Variants in QTGAL observed in about 807,000 individuals in gnomAD.
QTGAL encodes the protein BGnT-like protein 1.
At chr17:83,006,607 CGCTGTGCTATCCCGACGCCGTG>C in the QTGAL span, 937 of 985,316 alleles carry the variant, frequency 9.5e-4, 3 homozygotes, top group East Asian at 0.018. This position sits in a 1 kb window ranked among gnomAD's most constrained non-coding sequence, Gnocchi z 5.8. Context: ...CAACGGCAGC[CGCTGTGCTATCCCGACGCCGTG>C]GCTGTGCTAT....
At chr17:82,977,757 G>C in the QTGAL span, among the ~76,000 whole-genome samples, 4 of 152,272 alleles carry the variant, frequency 2.6e-5, no homozygotes, top group East Asian at 7.7e-4. Context: ...GAGAGGAGAA[G>C]CCGGCTGATT....
the QTGAL span, among the ~76,000 whole-genome samples, chr17:83,000,404 A>G: frequency 6.6e-6 from 1 of 152,246 alleles, no homozygotes. Flanking sequence ...GTAAAACATC[A>G]GTCGTGCAGC....
the QTGAL span, among the ~76,000 whole-genome samples, chr17:82,971,605 T>C: frequency 0.29 from 34,018 of 119,034 alleles, 3,778 homozygotes; most frequent in South Asian, 0.36. Flanking sequence ...GACCCGGTAC[T>C]GACCACACCA....
the QTGAL span, among the ~76,000 whole-genome samples, chr17:82,986,159 A>T: frequency 2.6e-5 from 4 of 152,248 alleles, no homozygotes; most frequent in Admixed American, 2.6e-4. Context: ...AGACACTCAC[A>T]AAGGTGACTT....
the QTGAL span, among the ~76,000 whole-genome samples, chr17:82,986,376 T>C: frequency 6.6e-6 from 1 of 152,288 alleles, no homozygotes; most frequent in Admixed American, 6.5e-5. Context: ...GCCAGGTGTG[T>C]TGGGAGAGGA....
the QTGAL span, among the ~76,000 whole-genome samples, chr17:83,044,587 C>T: frequency 1.3e-5 from 2 of 152,158 alleles, no homozygotes; most frequent in Non-Finnish European, 2.9e-5. Context: ...AGAACCGAAG[C>T]GAGGATGCCC....
At chr17:83,051,368 T>G in the QTGAL span, among the ~76,000 whole-genome samples, 3 of 151,136 alleles carry the variant, frequency 2.0e-5, no homozygotes, top group Non-Finnish European at 4.4e-5. Context: ...ATGAGGCAGG[T>G]GCGCCGTTCC....
chr17:83,034,246 T>C, the QTGAL span, among the ~76,000 whole-genome samples: 3 of 152,226 alleles, frequency 2.0e-5, no homozygotes, highest in African/African-American at 7.2e-5. Context: ...AGCCTTTTCT[T>C]AGTGTTTTCT....
the QTGAL span, among the ~76,000 whole-genome samples, chr17:82,958,774 G>A: frequency 2.1e-5 from 3 of 142,980 alleles, no homozygotes; most frequent in Non-Finnish European, 4.5e-5. Context: ...ATCCCAGTCA[G>A]TGACTTGGGG....
chr17:82,965,058 G>T, the QTGAL span, among the ~76,000 whole-genome samples: 2 of 141,090 alleles, frequency 1.4e-5, no homozygotes, highest in African/African-American at 2.8e-5. Flanking sequence ...GGACATGGAC[G>T]CCTGCAGGTG....
At chr17:82,950,259 G>C in the QTGAL span, among the ~76,000 whole-genome samples, 2 of 152,222 alleles carry the variant, frequency 1.3e-5, no homozygotes, top group Admixed American at 1.3e-4. Context: ...CCGGCTCCCT[G>C]GGAAGGGTTT....
At chr17:83,042,873 C>T in the QTGAL span, among the ~76,000 whole-genome samples, 1 of 152,124 alleles carries the variant, frequency 6.6e-6, no homozygotes, top group Non-Finnish European at 1.5e-5. Context: ...TTCCACGCAA[C>T]TAGTAATCAA....
chr17:83,001,045 A>G, the QTGAL span, among the ~76,000 whole-genome samples: 1 of 152,248 alleles, frequency 6.6e-6, no homozygotes, highest in South Asian at 2.1e-4. Flanking sequence ...GGGTACAGAC[A>G]CATGTCAAAA....
At chr17:83,010,071 C>T in the QTGAL span, among the ~76,000 whole-genome samples, 1 of 50,220 alleles carries the variant, frequency 2.0e-5, no homozygotes, top group East Asian at 5.3e-4. Context: ...GTGGGGGCCC[C>T]TGGTGTGTGG....
chr17:83,048,460 T>G, the QTGAL span: 12 of 1,588,868 alleles, frequency 7.6e-6, no homozygotes, highest in South Asian at 1.1e-5. Flanking sequence ...AAACTAAGCA[T>G]GTTTACTTAC....
the QTGAL span, among the ~76,000 whole-genome samples, chr17:82,998,169 C>T: frequency 2.0e-5 from 3 of 151,920 alleles, no homozygotes; most frequent in Non-Finnish European, 2.9e-5. Context: ...ACGGATACCC[C>T]ATTTACCCTG....
chr17:83,006,959 G>T, the QTGAL span: 1 of 479,914 alleles, frequency 2.1e-6, no homozygotes, highest in Non-Finnish European at 2.7e-6. The surrounding 1 kb of genome is among the most constrained non-coding windows in gnomAD (Gnocchi z 5.8). Flanking sequence ...GATGCATGAG[G>T]ATCCAGCTTC....
At chr17:83,024,623 G>T in the QTGAL span, among the ~76,000 whole-genome samples, 1 of 152,240 alleles carries the variant, frequency 6.6e-6, no homozygotes, top group Non-Finnish European at 1.5e-5. Context: ...AGGAGAAGAG[G>T]ACTCTGGCCC....
chr17:83,006,755 A>T, the QTGAL span: 2 of 985,348 alleles, frequency 2.0e-6, no homozygotes, highest in African/African-American at 3.5e-5. The surrounding 1 kb of genome is among the most constrained non-coding windows in gnomAD (Gnocchi z 5.8). Context: ...CAGTCACTGC[A>T]TGTAACAGTA....
Sources: gnomAD v4.1 joint callset for allele counts (sites outside exome capture counted in the v4.1 genomes callset) on GRCh38, gnomAD v4.1.1 for gene constraint, Gnocchi (gnomAD v3.1) non-coding constraint, MANE v1.5 for transcripts, NCBI Gene and HGNC (gene_info 2026-07-23, HGNC 2026-07-21) for gene names.